The following SLC24A4 variants were observed in gnomAD, a reference collection of about 807,000 sequenced individuals.
The protein encoded by SLC24A4 is solute carrier family 24 member 4.
SLC24A4 carries 53 observed loss-of-function variants against 79.0 expected under a neutral mutation model. The observed-to-expected ratio is 0.67, with a 90% CI of 0.54 to 0.84. SLC24A4 has a LOEUF of 0.84. Among genes scored for constraint, SLC24A4 ranks in the 40% least tolerant of loss-of-function variants. The pLI, the probability that SLC24A4 is intolerant of heterozygous loss-of-function variation, is 0.00. For missense variants in SLC24A4, 731 were observed against 822.0 expected, an observed-to-expected ratio of 0.89 and a Z score of 1.35; for synonymous variants, 323 against 323.8, an observed-to-expected ratio of 1.00 and a Z score of 0.03.
chr14:92,421,837 TA>T (rs1383871731), intron 2 of SLC24A4, among the ~76,000 whole-genome samples: 4 of 151,444 alleles, frequency 2.6e-5, no homozygotes, highest in Admixed American at 2.0e-4. Context: ...TTCATTTTTT[TA>T]AAAAAAATAA....
intron 13 of SLC24A4, chr14:92,484,065 G>C (rs1895224179): frequency 1.0e-6 from 1 of 985,316 alleles, no homozygotes; most frequent in South Asian, 4.7e-5. Flanking sequence ...TGAAGTGGGG[G>C]TGATCATCAC....
At chr14:92,341,236 CT>C (rs1886124519) in intron 2 of SLC24A4, among the ~76,000 whole-genome samples, 1 of 152,164 alleles carries the variant, frequency 6.6e-6, no homozygotes, top group African/African-American at 2.4e-5. Flanking sequence ...CCTCTGGTTG[CT>C]GAATAAGCTG....
intron 2 of SLC24A4, among the ~76,000 whole-genome samples, chr14:92,392,353 C>G (rs1033245317): frequency 1.3e-5 from 2 of 151,860 alleles, no homozygotes; most frequent in Non-Finnish European, 2.9e-5. Context: ...TTTTGTCAGT[C>G]TTACTTGGTT....
chr14:92,448,251 A>G, intron 9 of SLC24A4, among the ~76,000 whole-genome samples: 1 of 152,082 alleles, frequency 6.6e-6, no homozygotes, highest in East Asian at 1.9e-4. Context: ...TTGTAGAACA[A>G]TGTGAATGTA....
At chr14:92,377,484 G>A (rs1884677) in intron 2 of SLC24A4, among the ~76,000 whole-genome samples, 91,028 of 152,042 alleles carry the variant, frequency 0.6, 27,893 homozygotes, top group East Asian at 0.79. Context: ...TGAAGATGAG[G>A]TGCAGTACCC....
intron 2 of SLC24A4, among the ~76,000 whole-genome samples, chr14:92,391,070 G>C: frequency 6.6e-6 from 1 of 152,158 alleles, no homozygotes. Context: ...GGGTCTGCAA[G>C]GGAACATGTC....
intron 11 of SLC24A4, among the ~76,000 whole-genome samples, chr14:92,456,007 G>GTT (rs1893437550): frequency 6.6e-6 from 1 of 152,280 alleles, no homozygotes; most frequent in African/African-American, 2.4e-5. Context: ...GGCAGTGAGT[G>GTT]TACATTTTGT....
intron 3 of SLC24A4, among the ~76,000 whole-genome samples, chr14:92,438,676 C>T (rs1011443242): frequency 5.6e-5 from 8 of 143,700 alleles, no homozygotes; most frequent in East Asian, 2.1e-4. Context: ...GGAAGGGGTG[C>T]AGCGCTTCCA....
chr14:92,323,979 C>A lies in SLC24A4; in HGVS notation c.130+19C>A, dbSNP rs565075972. 3 of 1,606,220 alleles carry A rather than the reference C, an allele frequency of 1.9e-6. No homozygotes were observed. The Admixed American group carries it at 5.0e-5, about 27-fold the overall frequency. Reference sequence around the variant, plus strand: ...AGCTTGGGTGGGTGCTGGTACGGGTCCCCTCTTCCTGGGGAGTTGGGGGCT... The same window carrying A: ...AGCTTGGGTGGGTGCTGGTACGGGTACCCTCTTCCTGGGGAGTTGGGGGCT... On this transcript the variant is annotated intron_variant, in intron 1 of 16. Coordinates refer to ENST00000532405, the MANE Select transcript of SLC24A4 (RefSeq NM_153646.4). This position sits in a 1 kb window ranked among gnomAD's most constrained non-coding sequence, Gnocchi z 4.9.
chr14:92,405,888 C>T (rs911766998), intron 2 of SLC24A4, among the ~76,000 whole-genome samples: 4 of 152,164 alleles, frequency 2.6e-5, no homozygotes, highest in Admixed American at 1.3e-4. Context: ...CATTTCAAAA[C>T]CAATCATGCC....
intron 12 of SLC24A4, among the ~76,000 whole-genome samples, chr14:92,459,656 T>A (rs1234067223): frequency 2.6e-5 from 4 of 152,164 alleles, no homozygotes; most frequent in South Asian, 2.1e-4. Context: ...CCAGGTGTTG[T>A]CCCTGGAAAC....
intron 2 of SLC24A4, among the ~76,000 whole-genome samples, chr14:92,359,281 T>C (rs985300624): frequency 6.6e-6 from 1 of 151,840 alleles, no homozygotes; most frequent in Non-Finnish European, 1.5e-5. Context: ...AAGACCTTTT[T>C]AAAAATGATC....
chr14:92,434,022 C>T, intron 3 of SLC24A4, 34 bp downstream of exon 3: 1 of 1,559,510 alleles, frequency 6.4e-7, no homozygotes, highest in Non-Finnish European at 8.8e-7. Context: ...CACAAAACTT[C>T]TGGCACATGA....
intron 2 of SLC24A4, among the ~76,000 whole-genome samples, chr14:92,394,010 C>T (rs1889634683): frequency 6.6e-6 from 1 of 151,202 alleles, no homozygotes; most frequent in African/African-American, 2.4e-5. Context: ...GATTTGGTCC[C>T]AGAAGAAAAA....
At position 92,495,891 on chromosome 14, in the gene SLC24A4, C is replaced by A. The variant is rs1004742795; in HGVS notation, c.*2263C>A. 6.6e-6 allele frequency: 1 copy of A among 152,212 alleles called. No homozygotes were observed. The highest frequency in any genetic ancestry group is 1.5e-5 in the Non-Finnish European group (1 of 68,046). The allele number at this position is 152,212 out of a possible 1,614,324, so 9.4% of individuals were successfully genotyped here. On this transcript the variant is annotated 3_prime_UTR_variant, in exon 17 of 17. Coordinates refer to ENST00000532405, the MANE Select transcript of SLC24A4 (RefSeq NM_153646.4). ...TCATTGACTCCTGGGTTCCTCAGGT[C>A]ATTTCCTAATATCTGTCCCTATCCA...
chr14:92,395,377 A>C (rs566925416), intron 2 of SLC24A4, among the ~76,000 whole-genome samples: 1 of 152,014 alleles, frequency 6.6e-6, no homozygotes, highest in South Asian at 2.1e-4. Flanking sequence ...GCTTAATCAG[A>C]AGCCTTAAGG....
rs1205525604 is a variant in SLC24A4, at chr14:92,499,690, T to TG, written c.*6062_*6063insG. On this transcript the variant is annotated 3_prime_UTR_variant, in exon 17 of 17. Coordinates refer to ENST00000532405, the MANE Select transcript of SLC24A4 (RefSeq NM_153646.4). ...CCACATACAGCTAATTTGTTTTCATTTTTTTTTTTTTTAGAGACAGGATCT... is the reference window on the plus strand; with the variant it reads ...CCACATACAGCTAATTTGTTTTCATTGTTTTTTTTTTTTAGAGACAGGATCT... The TG allele has an allele frequency of 6.9e-6, 1 of 144,890 alleles. No individual in the cohort carries two copies. Among genetic ancestry groups the TG allele is most frequent in the Non-Finnish European group, 1.5e-5 (1 of 66,176 alleles). 9.0% of individuals were successfully genotyped at this position (144,890 alleles called of 1,614,324 possible). A position where few individuals can be genotyped will look rare whatever the true frequency, so the allele number is the denominator to read the frequency against.
chr14:92,440,679 G>A (rs75333499), intron 4 of SLC24A4, among the ~76,000 whole-genome samples: 3 of 151,960 alleles, frequency 2.0e-5, no homozygotes, highest in Admixed American at 6.6e-5. Flanking sequence ...AAGGGTGGTG[G>A]TCTTAGCTCT....
chr14:92,342,789 C>G (rs1274227949), intron 2 of SLC24A4, among the ~76,000 whole-genome samples: 1 of 152,222 alleles, frequency 6.6e-6, no homozygotes, highest in Non-Finnish European at 1.5e-5. Context: ...ACTCCACCTG[C>G]TATGCAGGCA....
Sources: gnomAD v4.1 joint callset for allele counts (sites outside exome capture counted in the v4.1 genomes callset) on GRCh38, gnomAD v4.1.1 for gene constraint, Gnocchi (gnomAD v3.1) non-coding constraint, MANE v1.5 for transcripts, NCBI Gene and HGNC (gene_info 2026-07-23, HGNC 2026-07-21) for gene names.